PCDHGA10: variants seen among roughly 807,000 people sequenced by gnomAD.
PCDHGA10 encodes protocadherin gamma-A10.
Under a neutral mutation model 59.5 loss-of-function variants are expected in PCDHGA10, and 42 were observed. That is an observed-to-expected ratio of 0.71 (90% CI 0.55 to 0.91). The LOEUF is 0.91. PCDHGA10 is among the 40% of genes least tolerant of loss of function. The pLI, the probability that PCDHGA10 is intolerant of heterozygous loss-of-function variation, is 0.00. For synonymous variants in PCDHGA10, 511 were observed against 517.2 expected, an observed-to-expected ratio of 0.99 and a Z score of 0.16; for missense variants, 1,111 against 1,198.2, an observed-to-expected ratio of 0.93 and a Z score of 1.07.
chr5:141,486,645 C>T lies in PCDHGA10; in HGVS notation c.2437-8162C>T, dbSNP rs369948556. ...GACTCTGGCTTGAATGCGCTTATCT[C>T]CTACTCACTCCTGGAGCCCAGGAAT... On this transcript the variant is annotated intron_variant, in intron 1 of 3. Coordinates refer to ENST00000398610, the MANE Select transcript of PCDHGA10 (RefSeq NM_018913.3). This position sits in a 1 kb window ranked among gnomAD's most constrained non-coding sequence, Gnocchi z 5.0. 1.9e-6 allele frequency: 3 copies of T among 1,613,752 alleles called. No individual in the cohort carries two copies. The highest frequency in any genetic ancestry group is 2.2e-5 in the East Asian group (1 of 44,896).
chr5:141,439,363 A>G (rs922889903), intron 1 of PCDHGA10, among the ~76,000 whole-genome samples: 2 of 152,208 alleles, frequency 1.3e-5, no homozygotes, highest in African/African-American at 2.4e-5. Context: ...TCAAACATCA[A>G]GAAGAAATAA....
chr5:141,433,592 T>C (rs1043652093), intron 1 of PCDHGA10, among the ~76,000 whole-genome samples: 5 of 152,020 alleles, frequency 3.3e-5, no homozygotes, highest in Non-Finnish European at 7.4e-5. Context: ...TCCCAGTACT[T>C]TGGGAGGCCG....
intron 1 of PCDHGA10, chr5:141,415,889 T>C: frequency 2.1e-6 from 2 of 942,152 alleles, no homozygotes; most frequent in Non-Finnish European, 2.9e-6. Context: ...TATTGACAAT[T>C]CCTAAGACAG....
In PCDHGA10 at chr5:141,431,620, G is replaced by T; in HGVS notation, c.2436+16009G>T. 6.2e-7 allele frequency: 1 copy of T among 1,614,232 alleles called. No individual in the cohort carries two copies. The highest frequency in any genetic ancestry group is 8.5e-7 in the Non-Finnish European group (1 of 1,180,050). Reference sequence around the variant, plus strand: ...ATTCCTTCCGGTATGTGGACGACAAGGCGGCCCAAGTTTTCAAACTAGATT... The same window carrying T: ...ATTCCTTCCGGTATGTGGACGACAATGCGGCCCAAGTTTTCAAACTAGATT... On this transcript the variant is annotated intron_variant, in intron 1 of 3. Transcript: ENST00000398610. The surrounding 1 kb of genome is among the most constrained non-coding windows in gnomAD (Gnocchi z 4.8).
At position 141,415,264 on chromosome 5, in the gene PCDHGA10, C is replaced by T; in HGVS notation, c.2089C>T (p.Leu697=). Residue 697 remains leucine, a synonymous_variant, in exon 1 of 4, where the codon CTG becomes TTG. Coordinates refer to ENST00000398610, the MANE Select transcript of PCDHGA10 (RefSeq NM_018913.3). ...TGAAACCTCAGACCTCACTCTGTACCTGGTGGTAGCGGTGGCCGCGGTCTC... is the reference window on the plus strand; with the variant it reads ...TGAAACCTCAGACCTCACTCTGTACTTGGTGGTAGCGGTGGCCGCGGTCTC... ...NSETSDLTLY[L]VVAVAAVSCV... 3 of 1,614,210 alleles carry T rather than the reference C, an allele frequency of 1.9e-6. No homozygotes were observed. Among genetic ancestry groups the T allele is most frequent in the South Asian group, 1.1e-5 (1 of 91,090 alleles).
chr5:141,421,910 C>G, intron 1 of PCDHGA10: 1 of 1,613,716 alleles, frequency 6.2e-7, no homozygotes, highest in Non-Finnish European at 8.5e-7. Flanking sequence ...GGCGCAGTTC[C>G]CATTCGTGTG....
rs2095678300 is a variant in PCDHGA10 at position 141,413,788 on chromosome 5, G to T, written c.613G>T (p.Asp205Tyr). The part of the protein sequence containing the change: ...YPELVLEHSL[D>Y]REEEAIHHLV... ...GGAGCTGGTACTGGAGCACTCCCTA[G>T]ATCGCGAGGAAGAGGCCATTCACCA... is the stretch of plus-strand genomic sequence containing the variant. The change falls in exon 1 of 4, where the codon GAT becomes TAT. Residue 205 changes from aspartate (D) to tyrosine (Y), a missense_variant. Asp to Tyr is a radical substitution (Grantham distance 160). Transcript: ENST00000398610. 1 of 1,613,166 alleles carries T rather than the reference G, an allele frequency of 6.2e-7. No homozygotes were observed. Among genetic ancestry groups the T allele is most frequent in the African/African-American group, 1.3e-5 (1 of 75,014 alleles).
In PCDHGA10 at chr5:141,511,342, C is replaced by G. The variant is rs2099883728; in HGVS notation, c.*169C>G. The stretch of plus-strand genomic sequence containing the variant: ...AACAAGTGCCCAGTCAGCACCTACC[C>G]CTTCCCCCCCAGGGGGTTGAATATG... On this transcript the variant is annotated 3_prime_UTR_variant, in exon 4 of 4. Coordinates refer to ENST00000398610, the MANE Select transcript of PCDHGA10 (RefSeq NM_018913.3). 1 of 1,424,960 alleles carries G rather than the reference C, an allele frequency of 7.0e-7. No homozygotes were observed. Among genetic ancestry groups the G allele is most frequent in the Admixed American group, 2.6e-5 (1 of 38,556 alleles). 88.3% of individuals were successfully genotyped at this position (1,424,960 alleles called of 1,614,324 possible).
Position 141,511,231 on chromosome 5 carries a change from C to T in PCDHGA10, c.*58C>T. On this transcript the variant is annotated 3_prime_UTR_variant, in exon 4 of 4. Coordinates refer to ENST00000398610, the MANE Select transcript of PCDHGA10 (RefSeq NM_018913.3). ...CTCTCCCCAACCAGCCCAGCTTCTC[C>T]TTACCTGCACCCAGGCCTCAGAGTT... 2 of 1,595,900 alleles carry T rather than the reference C, an allele frequency of 1.3e-6. No individual in the cohort carries two copies. The highest frequency in any genetic ancestry group is 2.2e-5 in the South Asian group (2 of 88,992).
At position 141,431,026 on chromosome 5, in the gene PCDHGA10, G is replaced by A; in HGVS notation, c.2436+15415G>A. On this transcript the variant is annotated intron_variant, in intron 1 of 3. Coordinates refer to ENST00000398610, the MANE Select transcript of PCDHGA10 (RefSeq NM_018913.3). This position sits in a 1 kb window ranked among gnomAD's most constrained non-coding sequence, Gnocchi z 4.8. Reference sequence around the variant, plus strand: ...GCGGCAGCTTGGTCACGGCGGGCAGGATAGACCGGGAGGAGCTCTGTATGG... The same window carrying A: ...GCGGCAGCTTGGTCACGGCGGGCAGAATAGACCGGGAGGAGCTCTGTATGG... The A allele has an allele frequency of 1.2e-6, 2 of 1,614,118 alleles. No homozygotes were observed. The highest frequency in any genetic ancestry group is 1.7e-6 in the Non-Finnish European group (2 of 1,179,960).
In PCDHGA10 at chr5:141,476,501, A is replaced by G; in HGVS notation, c.2437-18306A>G. 1.2e-6 allele frequency: 2 copies of G among 1,614,026 alleles called. No homozygotes were observed. Among genetic ancestry groups the G allele is most frequent in the Non-Finnish European group, 1.7e-6 (2 of 1,180,006 alleles). On this transcript the variant is annotated intron_variant, in intron 1 of 3. Coordinates refer to ENST00000398610, the MANE Select transcript of PCDHGA10 (RefSeq NM_018913.3). The surrounding 1 kb of genome is among the most constrained non-coding windows in gnomAD (Gnocchi z 7.6). ...CGTGGAAGTGGTGATCCAGGACATCAACGACAACAATCCTGCTTTCCCTAC... is the reference window on the plus strand; with the variant it reads ...CGTGGAAGTGGTGATCCAGGACATCGACGACAACAATCCTGCTTTCCCTAC...
At position 141,490,289 on chromosome 5, in the gene PCDHGA10, T is replaced by C; in HGVS notation, c.2437-4518T>C. ...GATGTCAATGACAATGCCCCAGAGG[T>C]GCTATTGGCCTCTTTGGCCAACCCT... On this transcript the variant is annotated intron_variant, in intron 1 of 3. Transcript: ENST00000398610. This position sits in a 1 kb window ranked among gnomAD's most constrained non-coding sequence, Gnocchi z 5.4. The C allele has an allele frequency of 1.2e-6, 2 of 1,614,096 alleles. No homozygotes were observed. The highest frequency in any genetic ancestry group is 1.7e-6 in the Non-Finnish European group (2 of 1,180,016).
intron 1 of PCDHGA10, among the ~76,000 whole-genome samples, chr5:141,481,400 T>C (rs2154578591): frequency 6.6e-6 from 1 of 152,358 alleles, no homozygotes; most frequent in East Asian, 1.9e-4. Context: ...GTGACAAAAT[T>C]CTTGTATAAT....
chr5:141,491,438 G>T lies in PCDHGA10; in HGVS notation c.2437-3369G>T, dbSNP rs376927300. 3.7e-6 allele frequency: 6 copies of T among 1,613,948 alleles called. No homozygotes were observed. The African/African-American group carries it at 4.0e-5, about 11-fold the overall frequency. ...GGGGGTGGAGGGCAGTGCTGCAGGCGCCAGGACTCACCCTCCCCGGACTTC... is the reference window on the plus strand; with the variant it reads ...GGGGGTGGAGGGCAGTGCTGCAGGCTCCAGGACTCACCCTCCCCGGACTTC... On this transcript the variant is annotated intron_variant, in intron 1 of 3. Transcript: ENST00000398610. The surrounding 1 kb of genome is among the most constrained non-coding windows in gnomAD (Gnocchi z 6.9).
rs776374898 is a variant in PCDHGA10, at chr5:141,414,958, G to A, written c.1783G>A (p.Val595Met). ...AGAGCCCGGCTACCTGGTGACCAAG[G>A]TGGTGGCGGTGGACAGAGACTCCGG... ...SAEPGYLVTK[V>M]VAVDRDSGQN... Residue 595 changes from valine (V) to methionine (M), a missense_variant, in exon 1 of 4, where the codon GTG (valine) becomes ATG (methionine). Physicochemically the swap from Val to Met is conservative, Grantham distance 21. Coordinates refer to ENST00000398610, the MANE Select transcript of PCDHGA10 (RefSeq NM_018913.3). The A allele has an allele frequency of 3.7e-6, 6 of 1,614,024 alleles. No homozygotes were observed. The South Asian group carries it at 4.4e-5, about 12-fold the overall frequency.
chr5:141,427,899 G>A, intron 1 of PCDHGA10: 1 of 1,571,372 alleles, frequency 6.4e-7, no homozygotes, highest in Non-Finnish European at 8.7e-7. Flanking sequence ...GGGCTCGCCC[G>A]CGCTCAGCGC....
chr5:141,413,020 C>T lies in PCDHGA10; in HGVS notation c.-156C>T. ...TTCTCAGGGCTTCAACTACACAAGC[C>T]CCACAAACCGGCTGCTGGGCTGCAG... On this transcript the variant is annotated 5_prime_UTR_variant, in exon 1 of 4. Transcript: ENST00000398610. The T allele has an allele frequency of 1.4e-6, 1 of 693,768 alleles. No homozygotes were observed. Among genetic ancestry groups the T allele is most frequent in the Non-Finnish European group, 2.3e-6 (1 of 435,150 alleles). The allele number at this position is 693,768 out of a possible 1,614,324, so 43.0% of individuals were successfully genotyped here.
chr5:141,466,933 C>A (rs1305734739), intron 1 of PCDHGA10, among the ~76,000 whole-genome samples: 1 of 152,100 alleles, frequency 6.6e-6, no homozygotes, highest in Non-Finnish European at 1.5e-5. Context: ...GAATATTAGT[C>A]CTTTGTCCAG....
At chr5:141,433,246 T>C (rs775015156) in intron 1 of PCDHGA10, 1 of 1,462,358 alleles carries the variant, frequency 6.8e-7, no homozygotes, top group Non-Finnish European at 9.3e-7. Flanking sequence ...CAAGCTGGAA[T>C]GCAGCGGTAC....
Sources: gnomAD v4.1 joint callset for allele counts (sites outside exome capture counted in the v4.1 genomes callset) on GRCh38, gnomAD v4.1.1 for gene constraint, Gnocchi (gnomAD v3.1) non-coding constraint, MANE v1.5 for transcripts, NCBI Gene and HGNC (gene_info 2026-07-23, HGNC 2026-07-21) for gene names.